BNIP3L: variants seen among roughly 807,000 people sequenced by gnomAD.
BNIP3L encodes BCL2 interacting protein 3 like, also known as BCL2/adenovirus E1B 19 kDa protein-interacting protein 3-like.
A neutral mutation model predicts 25.5 loss-of-function variants in BNIP3L; 10 were observed. The ratio of observed to expected loss-of-function variants is 0.39; its 90% CI spans 0.24 to 0.67. BNIP3L has a LOEUF of 0.67. Among genes scored for constraint, BNIP3L ranks in the 30% least tolerant of loss-of-function variants. The pLI is 0.45. For synonymous variants in BNIP3L, 113 were observed against 101.2 expected (o/e 1.12, Z -0.70); for missense variants, 215 against 270.9 (o/e 0.79, Z 1.45).
intron 3 of BNIP3L, among the ~76,000 whole-genome samples, chr8:26,400,394 C>A (rs1269571188): frequency 8.7e-6 from 1 of 114,844 alleles, no homozygotes; most frequent in Non-Finnish European, 1.8e-5. Flanking sequence ...CCCTTCCTTA[C>A]ACCTTATACA....
In BNIP3L at chr8:26,408,346, T is replaced by C; in HGVS notation, c.581T>C (p.Phe194Ser). The C allele has an allele frequency of 6.2e-7, 1 of 1,614,188 alleles. No homozygotes were observed. The highest frequency in any genetic ancestry group is 8.5e-7 in the Non-Finnish European group (1 of 1,180,022). The change falls in exon 5 of 6, where the codon TTC becomes TCC. Residue 194 changes from phenylalanine to serine, a missense_variant. Phe to Ser is a radical substitution (Grantham distance 155). Coordinates refer to ENST00000380629, the MANE Select transcript of BNIP3L (RefSeq NM_004331.3). ...EFLKVFIPSL[F>S]LSHVLALGLG... ...CTGAAGGTGTTCATTCCATCTCTCT[T>C]CCTTTCTCATGTTTTGGCTTTGGGG...
intron 3 of BNIP3L, among the ~76,000 whole-genome samples, chr8:26,396,903 A>G (rs370169191): frequency 4.2e-5 from 4 of 94,194 alleles, no homozygotes; most frequent in Admixed American, 1.2e-4. Context: ...GAAATGAAGC[A>G]AGAAGGGAAG....
rs780597407 is a variant in BNIP3L, at chr8:26,383,226, C to A, written c.96C>A (p.Leu32=). The A allele has an allele frequency of 6.2e-7, 1 of 1,608,890 alleles. No homozygotes were observed. Among genetic ancestry groups the A allele is most frequent in the South Asian group, 1.1e-5 (1 of 90,570 alleles). ...AGTCTCTGCCCCCGCCGGCCGGCCT[C>A]AACAGTGAGTGCGGGGCCGAGGCTC... is the stretch of plus-strand genomic sequence containing the variant. The part of the protein sequence containing the change: ...NEQSLPPPAG[L]NSSWVELPMN... The change falls in exon 1 of 6, where the codon CTC becomes CTA. Residue 32 remains leucine (L), a synonymous_variant. Coordinates refer to ENST00000380629, the MANE Select transcript of BNIP3L (RefSeq NM_004331.3).
At chr8:26,400,638 A>C (rs1450558410) in intron 3 of BNIP3L, among the ~76,000 whole-genome samples, 1 of 133,798 alleles carries the variant, frequency 7.5e-6, no homozygotes, top group African/African-American at 2.8e-5. Flanking sequence ...AACCTACAAC[A>C]TGGGAGAAAA....
At position 26,388,186 on chromosome 8, in the gene BNIP3L, T is replaced by A. The variant is rs552247071; in HGVS notation, c.101-3057T>A. ...TAATTTTTAATTTTATGTACTGATG[T>A]TTACGTTTTCTAGGAACACATTTTT... On this transcript the variant is annotated intron_variant, in intron 1 of 5. Coordinates refer to ENST00000380629, the MANE Select transcript of BNIP3L (RefSeq NM_004331.3). 1.2e-4 allele frequency among the ~76,000 whole-genome samples: 18 copies of A among 152,312 alleles called. 1 individual carries two copies. The South Asian group carries it at 3.7e-3, about 32-fold the overall frequency.
chr8:26,407,422 G>C (rs1293552697), intron 3 of BNIP3L, among the ~76,000 whole-genome samples: 1 of 151,956 alleles, frequency 6.6e-6, no homozygotes, highest in East Asian at 1.9e-4. Flanking sequence ...TCCTGACCTT[G>C]TGATCCGCTC....
chr8:26,400,012 G>A (rs1806333528), intron 3 of BNIP3L, among the ~76,000 whole-genome samples: 1 of 151,402 alleles, frequency 6.6e-6, no homozygotes, highest in East Asian at 2.0e-4. Flanking sequence ...CAGATTCAGT[G>A]CCATCCCCAT....
chr8:26,401,623 G>GACC (rs1270130185), intron 3 of BNIP3L, among the ~76,000 whole-genome samples: 1 of 77,466 alleles, frequency 1.3e-5, no homozygotes, highest in Non-Finnish European at 2.8e-5. Flanking sequence ...AAAAAAAAAA[G>GACC]ACCACAGAAT....
chr8:26,383,653 G>A (rs1805912007), intron 1 of BNIP3L, among the ~76,000 whole-genome samples: 1 of 149,818 alleles, frequency 6.7e-6, no homozygotes, highest in African/African-American at 2.4e-5. Context: ...GCGCGGGAGC[G>A]GGGCGGGGCG....
chr8:26,407,681 TG>T (rs1806531240), intron 3 of BNIP3L, among the ~76,000 whole-genome samples: 1 of 152,178 alleles, frequency 6.6e-6, no homozygotes, highest in Admixed American at 6.5e-5. Context: ...TGGACCTCCA[TG>T]TAAGTATTGC....
intron 3 of BNIP3L, among the ~76,000 whole-genome samples, chr8:26,402,881 C>T (rs1157670563): frequency 6.6e-6 from 1 of 152,208 alleles, no homozygotes; most frequent in Non-Finnish European, 1.5e-5. Context: ...TTAATAACTC[C>T]GTGGAGCACT....
intron 3 of BNIP3L, chr8:26,395,862 C>T (rs1423994598): frequency 1.0e-3 from 153 of 152,650 alleles, no homozygotes; most frequent in African/African-American, 3.5e-3. Context: ...AAAGGGGTGA[C>T]GGACGCACCT....
intron 1 of BNIP3L, among the ~76,000 whole-genome samples, chr8:26,383,701 G>A (rs1489531317): frequency 2.0e-5 from 3 of 151,174 alleles, no homozygotes; most frequent in Non-Finnish European, 4.4e-5. Flanking sequence ...TCAGGTGTGC[G>A]GGGCTCGCGG....
chr8:26,403,120 G>A (rs1191534375), intron 3 of BNIP3L, among the ~76,000 whole-genome samples: 1 of 152,118 alleles, frequency 6.6e-6, no homozygotes, highest in Non-Finnish European at 1.5e-5. Flanking sequence ...ATCAAGAGGA[G>A]GTACTTACTT....
Position 26,412,125 on chromosome 8 carries a change from T to A in BNIP3L, c.*1713T>A, listed in dbSNP as rs1806641194. The stretch of plus-strand genomic sequence containing the variant: ...TTTTTTCTTTCTAGCATTTGATGTC[T>A]AAATAATTTTGGACATCTTTTTCCT... On this transcript the variant is annotated 3_prime_UTR_variant, in exon 6 of 6. Transcript: ENST00000380629. 6.6e-6 allele frequency: 1 copy of A among 152,260 alleles called. No individual in the cohort carries two copies. The highest frequency in any genetic ancestry group is 1.5e-5 in the Non-Finnish European group (1 of 68,044). The allele number at this position is 152,260 out of a possible 1,614,324, so 9.4% of individuals were successfully genotyped here.
chr8:26,395,387 G>A (rs1385876931), intron 3 of BNIP3L, 85 bp downstream of exon 3: 1 of 1,368,364 alleles, frequency 7.3e-7, no homozygotes, highest in African/African-American at 1.4e-5. Context: ...TAAATGTGAA[G>A]ACTTTTAGGA....
rs558126988 is a variant in BNIP3L, at chr8:26,391,573, T to C, written c.284+147T>C. 25 of 599,182 alleles carry C rather than the reference T, an allele frequency of 4.2e-5. No individual in the cohort carries two copies. The African/African-American group carries it at 4.4e-4, about 11-fold the overall frequency. 37.1% of individuals were successfully genotyped at this position (599,182 alleles called of 1,614,324 possible). A position where few individuals can be genotyped will look rare whatever the true frequency, so the allele number is the denominator to read the frequency against. On this transcript the variant is annotated intron_variant, in intron 2 of 5. Coordinates refer to ENST00000380629, the MANE Select transcript of BNIP3L (RefSeq NM_004331.3). ...TAGTATAATATATATTGCACAGATA[T>C]ATATTGTGTTTATATGAGACAGCTA... is the stretch of plus-strand genomic sequence containing the variant.
At chr8:26,409,167 T>G (rs997865147) in intron 5 of BNIP3L, among the ~76,000 whole-genome samples, 5 of 152,208 alleles carry the variant, frequency 3.3e-5, no homozygotes, top group Admixed American at 2.6e-4. Context: ...TTTATTTTGC[T>G]AAAATCAACC....
At chr8:26,386,907 A>G (rs1806004782) in intron 1 of BNIP3L, among the ~76,000 whole-genome samples, 1 of 152,172 alleles carries the variant, frequency 6.6e-6, no homozygotes, top group South Asian at 2.1e-4. Flanking sequence ...TTTTTATTTA[A>G]GAAGAATGCC....
Sources: gnomAD v4.1 joint callset for allele counts (sites outside exome capture counted in the v4.1 genomes callset) on GRCh38, gnomAD v4.1.1 for gene constraint, MANE v1.5 for transcripts, NCBI Gene and HGNC (gene_info 2026-07-23, HGNC 2026-07-21) for gene names.